YWHAG: variants seen among roughly 807,000 people sequenced by gnomAD.
YWHAG encodes the protein tyrosine 3-monooxygenase/tryptophan 5-monooxygenase activation protein gamma.
YWHAG carries 1 observed loss-of-function variant against 23.3 expected under a neutral mutation model. That is an observed-to-expected ratio of 0.04 (90% CI 0.02 to 0.20). The LOEUF (loss-of-function observed/expected upper bound fraction) is 0.20. Among genes scored for constraint, YWHAG ranks in the 10% least tolerant of loss-of-function variants. The probability of loss-of-function intolerance (pLI) is 1.00; values close to 1 mark genes in which losing one functional copy is unlikely to be tolerated. For missense variants in YWHAG, 151 were observed against 338.6 expected (o/e 0.45, Z 4.35); for synonymous variants, 160 against 144.0 (o/e 1.11, Z -0.80).
chr7:76,336,451 C>CTTT (rs35137930), intron 1 of YWHAG, among the ~76,000 whole-genome samples: 14 of 116,712 alleles, frequency 1.2e-4, no homozygotes, highest in Non-Finnish European at 1.7e-4. Flanking sequence ...GAAAGTCTGG[C>CTTT]TTTTTTTTTT....
intron 1 of YWHAG, among the ~76,000 whole-genome samples, chr7:76,356,126 C>T (rs927576397): frequency 2.0e-5 from 3 of 152,192 alleles, no homozygotes; most frequent in Non-Finnish European, 2.9e-5. Flanking sequence ...AGGATGATTT[C>T]GGCCTTAAAA....
At chr7:76,340,013 T>C (rs914965249) in intron 1 of YWHAG, among the ~76,000 whole-genome samples, 5 of 151,982 alleles carry the variant, frequency 3.3e-5, no homozygotes, top group Non-Finnish European at 7.4e-5. Context: ...TGCTTGAACC[T>C]GGGAGGCGGA....
intron 1 of YWHAG, among the ~76,000 whole-genome samples, chr7:76,349,215 G>A (rs576769316): frequency 3.3e-5 from 5 of 151,350 alleles, no homozygotes; most frequent in South Asian, 4.2e-4. Context: ...GGTGGTGGGC[G>A]CCTGTAGTCC....
chr7:76,332,572 G>C (rs1803560842), intron 1 of YWHAG, among the ~76,000 whole-genome samples: 1 of 152,110 alleles, frequency 6.6e-6, no homozygotes, highest in Non-Finnish European at 1.5e-5. Flanking sequence ...CCAAGCTGAA[G>C]TGCAGAGGCA....
chr7:76,348,659 C>T (rs1803824054), intron 1 of YWHAG, among the ~76,000 whole-genome samples: 2 of 152,154 alleles, frequency 1.3e-5, no homozygotes, highest in South Asian at 4.2e-4. Flanking sequence ...CCACCTCAGC[C>T]TCCCAAAGTG....
At chr7:76,350,741 A>T (rs895397473) in intron 1 of YWHAG, among the ~76,000 whole-genome samples, 3 of 152,126 alleles carry the variant, frequency 2.0e-5, no homozygotes, top group Non-Finnish European at 2.9e-5. Flanking sequence ...CTACTTGGGA[A>T]GCTGAGGCAG....
intron 1 of YWHAG, among the ~76,000 whole-genome samples, chr7:76,332,000 AATGATCAGCAAGTGCT>A (rs1230692934): frequency 6.6e-6 from 1 of 152,196 alleles, no homozygotes. Context: ...TTTCTGAATG[AATGATCAGCAAGTGCT>A]ACACGCTCAA....
Position 76,329,876 on chromosome 7 carries a change from A to C in YWHAG, c.445T>G (p.Ser149Ala). ...GCTTCGCTGTAGGCCTTCTCGGAGG[A>C]CTCCACCACCGTCGCCCTTTTCTCT... ...TGEKRATVVE[S>A]SEKAYSEAHE... The change falls in exon 2 of 2, where the codon TCC (serine) becomes GCC (alanine). Residue 149 changes from serine (S) to alanine (A), a missense_variant. Transcript: ENST00000307630. This position sits in a 1 kb window ranked among gnomAD's most constrained non-coding sequence, Gnocchi z 6.1. The C allele has an allele frequency of 1.9e-6, 3 of 1,611,702 alleles. No individual in the cohort carries two copies. The highest frequency in any genetic ancestry group is 2.2e-5 in the South Asian group (2 of 90,944).
intron 1 of YWHAG, among the ~76,000 whole-genome samples, chr7:76,332,829 G>A (rs1031973552): frequency 9.9e-5 from 15 of 151,614 alleles, no homozygotes; most frequent in African/African-American, 2.4e-4. Flanking sequence ...TCAGCCTCCC[G>A]AGTAGCTGGG....
intron 1 of YWHAG, among the ~76,000 whole-genome samples, chr7:76,344,666 T>C (rs1393082458): frequency 6.6e-6 from 1 of 152,226 alleles, no homozygotes; most frequent in East Asian, 1.9e-4. Flanking sequence ...AATGGGGTTA[T>C]TTATCTGTGT....
At chr7:76,352,115 T>C (rs576903825) in intron 1 of YWHAG, among the ~76,000 whole-genome samples, 8 of 152,216 alleles carry the variant, frequency 5.3e-5, no homozygotes, top group Non-Finnish European at 8.8e-5. Context: ...GCAGTCTGTA[T>C]AGAAACAGTC....
intron 1 of YWHAG, among the ~76,000 whole-genome samples, chr7:76,357,116 G>T (rs1200446187): frequency 6.6e-6 from 1 of 152,292 alleles, no homozygotes; most frequent in Non-Finnish European, 1.5e-5. Context: ...ATACCTATTA[G>T]AAGTGCAACT....
intron 1 of YWHAG, among the ~76,000 whole-genome samples, chr7:76,336,949 C>T (rs988554001): frequency 3.3e-5 from 5 of 152,166 alleles, no homozygotes; most frequent in African/African-American, 1.2e-4. Flanking sequence ...CGCTGCTGTC[C>T]ATGTTAAGGA....
chr7:76,327,689 C>CCA lies in YWHAG; in HGVS notation c.*1887_*1888insTG, dbSNP rs1803468773. 1 of 110,176 alleles carries CCA rather than the reference C, an allele frequency of 9.1e-6. No individual in the cohort carries two copies. Among genetic ancestry groups the CCA allele is most frequent in the African/African-American group, 4.0e-5 (1 of 25,204 alleles). 6.8% of individuals were successfully genotyped at this position (110,176 alleles called of 1,614,324 possible). ...CCCTGCCCCCCCCCCCCTCCCCCCC[C>CCA]AAATCGTCTTCCTCCCATGGCAATG... On this transcript the variant is annotated 3_prime_UTR_variant, in exon 2 of 2. Coordinates refer to ENST00000307630, the MANE Select transcript of YWHAG (RefSeq NM_012479.4).
chr7:76,346,193 T>A (rs557864681), intron 1 of YWHAG, among the ~76,000 whole-genome samples: 1 of 152,202 alleles, frequency 6.6e-6, no homozygotes, highest in Non-Finnish European at 1.5e-5. Context: ...CTAACCCTGA[T>A]GACCGCTCTT....
At chr7:76,342,289 G>A (rs117087759) in intron 1 of YWHAG, among the ~76,000 whole-genome samples, 2,546 of 152,222 alleles carry the variant, frequency 0.017, 30 homozygotes, top group Non-Finnish European at 0.026. Context: ...CCAATACGGA[G>A]GAAAAAGTCA....
At chr7:76,346,737 C>T (rs1226629027) in intron 1 of YWHAG, among the ~76,000 whole-genome samples, 1 of 152,162 alleles carries the variant, frequency 6.6e-6, no homozygotes, top group Admixed American at 6.6e-5. Flanking sequence ...CACTGTCCTA[C>T]TCAGTTTCCA....
intron 1 of YWHAG, among the ~76,000 whole-genome samples, chr7:76,358,484 C>T (rs2115666066): frequency 6.6e-6 from 1 of 152,232 alleles, no homozygotes; most frequent in East Asian, 1.9e-4. Context: ...CTCGCCCCGG[C>T]CCGCGCCCGC....
rs541111384 is a variant in YWHAG, at chr7:76,329,925, G to T, written c.396C>A (p.Arg132=). Residue 132 remains arginine (R), a synonymous_variant, in exon 2 of 2, where the codon CGC becomes CGA. Transcript: ENST00000307630. This position sits in a 1 kb window ranked among gnomAD's most constrained non-coding sequence, Gnocchi z 6.1. The part of the protein sequence containing the change: ...FYLKMKGDYY[R]YLAEVATGEK... ...CTCCGGTGGCCACTTCAGCCAGGTA[G>T]CGGTAGTAGTCCCCTTTCATCTTCA... 1.9e-6 allele frequency: 3 copies of T among 1,614,122 alleles called. No individual in the cohort carries two copies. Among genetic ancestry groups the T allele is most frequent in the African/African-American group, 2.7e-5 (2 of 75,018 alleles).
Sources: gnomAD v4.1 joint callset for allele counts (sites outside exome capture counted in the v4.1 genomes callset) on GRCh38, gnomAD v4.1.1 for gene constraint, Gnocchi (gnomAD v3.1) non-coding constraint, MANE v1.5 for transcripts, NCBI Gene and HGNC (gene_info 2026-07-23, HGNC 2026-07-21) for gene names.